AKAP7: variants seen among roughly 807,000 people sequenced by gnomAD.
AKAP7 encodes the protein A-kinase anchoring protein 7, also known as A kinase (PRKA) anchor protein 7.
A neutral mutation model predicts 39.5 loss-of-function variants in AKAP7; 39 were observed. That is an observed-to-expected ratio of 0.99 (90% CI 0.76 to 1.29). The LOEUF (loss-of-function observed/expected upper bound fraction) is 1.29. AKAP7 is among the 50% of genes most tolerant of loss of function. The pLI is 0.00. For synonymous variants in AKAP7, 140 were observed against 139.1 expected (o/e 1.01, Z -0.05); for missense variants, 414 against 407.7 (o/e 1.02, Z -0.13).
chr6:131,220,306 C>T (rs917633418), intron 7 of AKAP7, among the ~76,000 whole-genome samples: 2 of 152,176 alleles, frequency 1.3e-5, no homozygotes, highest in African/African-American at 4.8e-5. Context: ...AAGGTTCATA[C>T]ATAAATGCAT....
chr6:131,178,006 T>G (rs1281390175), intron 5 of AKAP7, among the ~76,000 whole-genome samples: 2 of 152,356 alleles, frequency 1.3e-5, no homozygotes, highest in African/African-American at 4.8e-5. Context: ...CCCTGTTATA[T>G]CCTCACGCAA....
chr6:131,221,600 G>A (rs1809701621), intron 7 of AKAP7, among the ~76,000 whole-genome samples: 1 of 152,212 alleles, frequency 6.6e-6, no homozygotes, highest in East Asian at 1.9e-4. Flanking sequence ...CAGTTTCAAA[G>A]AACAGGCCGA....
At chr6:131,193,602 A>G (rs1032566702) in intron 5 of AKAP7, among the ~76,000 whole-genome samples, 3 of 151,864 alleles carry the variant, frequency 2.0e-5, no homozygotes, top group South Asian at 2.1e-4. Context: ...CCTCCCCTCT[A>G]TTTTTTGGAG....
chr6:131,185,237 G>A (rs1190262922), intron 5 of AKAP7: 2 of 469,714 alleles, frequency 4.3e-6, no homozygotes, highest in African/African-American at 4.0e-5. Flanking sequence ...CACAGGGGTG[G>A]GCTCACCGCT....
intron 7 of AKAP7, among the ~76,000 whole-genome samples, chr6:131,250,912 T>G (rs1812395821): frequency 6.6e-6 from 1 of 152,128 alleles, no homozygotes; most frequent in South Asian, 2.1e-4. Flanking sequence ...AGAGTCAGAG[T>G]TTAGTTTTGA....
chr6:131,149,123 C>T (rs955135489), intron 2 of AKAP7, among the ~76,000 whole-genome samples: 1 of 152,118 alleles, frequency 6.6e-6, no homozygotes, highest in Non-Finnish European at 1.5e-5. Flanking sequence ...GCCTTCAGTG[C>T]GAATGTGGTA....
At chr6:131,174,917 C>T (rs932664517) in intron 5 of AKAP7, among the ~76,000 whole-genome samples, 5 of 100,102 alleles carry the variant, frequency 5.0e-5, no homozygotes, top group African/African-American at 1.0e-4. Context: ...CAGAACCCTG[C>T]GTAGTCAGAA....
At chr6:131,269,583 C>T (rs1390921422) in intron 7 of AKAP7, among the ~76,000 whole-genome samples, 1 of 152,124 alleles carries the variant, frequency 6.6e-6, no homozygotes, top group Non-Finnish European at 1.5e-5. Flanking sequence ...AAGGCAAAAC[C>T]AGTCAGCAAA....
rs557564501 is a variant in AKAP7, at chr6:131,222,419, C to G, written c.850+2611C>G. 9.8e-4 allele frequency among the ~76,000 whole-genome samples: 149 copies of G among 151,908 alleles called. 2 individuals are homozygous for G. Among genetic ancestry groups the G allele is most frequent in the African/African-American group, 3.4e-3 (142 of 41,442 alleles). ...GCGGGCGCCTGTAGTCCCAGCTACT[C>G]GGGAGGCTGAGGCAGGAGAATGGTG... On this transcript the variant is annotated intron_variant, in intron 7 of 7. Coordinates refer to ENST00000431975, the MANE Select transcript of AKAP7 (RefSeq NM_016377.4).
intron 5 of AKAP7, among the ~76,000 whole-genome samples, chr6:131,192,365 T>C (rs1806498453): frequency 6.6e-6 from 1 of 152,234 alleles, no homozygotes; most frequent in Non-Finnish European, 1.5e-5. Flanking sequence ...CATTGTATGC[T>C]CTTGGCACCT....
At chr6:131,132,259 G>A (rs932686298), upstream of AKAP7, among the ~76,000 whole-genome samples, 35 of 151,226 alleles carry the variant, frequency 2.3e-4, no homozygotes, top group Non-Finnish European at 4.1e-4. Flanking sequence ...CTTGCAGTGA[G>A]CCGAGATTGC....
chr6:131,219,942 C>A, intron 7 of AKAP7, 134 bp downstream of exon 7: 1 of 607,420 alleles, frequency 1.6e-6, no homozygotes, highest in Non-Finnish European at 2.5e-6. Context: ...TATGTTTTGA[C>A]AATGATACAT....
intron 7 of AKAP7, among the ~76,000 whole-genome samples, chr6:131,235,879 A>G (rs1249310445): frequency 1.3e-5 from 2 of 152,170 alleles, no homozygotes; most frequent in African/African-American, 4.8e-5. Context: ...CACTGATGGT[A>G]GTTTCTTTTG....
At chr6:131,141,437 C>T (rs1801013834) in intron 1 of AKAP7, among the ~76,000 whole-genome samples, 1 of 152,210 alleles carries the variant, frequency 6.6e-6, no homozygotes, top group African/African-American at 2.4e-5. Context: ...GCCTGCAGAA[C>T]TCTGGGCCAA....
chr6:131,169,777 G>C (rs1276824855), intron 5 of AKAP7, among the ~76,000 whole-genome samples: 2 of 152,092 alleles, frequency 1.3e-5, no homozygotes, highest in African/African-American at 4.8e-5. Flanking sequence ...AATAGGTTGG[G>C]TATTAGCCTA....
At chr6:131,141,236 G>A (rs903135786) in intron 1 of AKAP7, among the ~76,000 whole-genome samples, 1 of 152,108 alleles carries the variant, frequency 6.6e-6, no homozygotes, top group Non-Finnish European at 1.5e-5. Context: ...CTCATGAATG[G>A]CTTGGTGCCC....
At position 131,135,680 on chromosome 6, in the gene AKAP7, C is replaced by T. The variant is rs1192006425; in HGVS notation, c.-84C>T. On this transcript the variant is annotated 5_prime_UTR_variant, in exon 1 of 8. Coordinates refer to ENST00000431975, the MANE Select transcript of AKAP7 (RefSeq NM_016377.4). ...CCCCGAGCCCCGCCCTGGCCTCCGC[C>T]TCGGCCTCGCCTCCAGCCCCGGGAC... 9.0e-7 allele frequency: 1 copy of T among 1,107,204 alleles called. No individual in the cohort carries two copies. The highest frequency in any genetic ancestry group is 5.0e-5 in the East Asian group (1 of 19,810). The allele number at this position is 1,107,204 out of a possible 1,614,324, so 68.6% of individuals were successfully genotyped here.
chr6:131,239,965 TGGA>T (rs756764924), intron 7 of AKAP7, among the ~76,000 whole-genome samples: 1 of 152,212 alleles, frequency 6.6e-6, no homozygotes, highest in Non-Finnish European at 1.5e-5. Flanking sequence ...TGCGTTCCTT[TGGA>T]GGAGGAGAGG....
chr6:131,179,621 A>G (rs1322512057), intron 5 of AKAP7, among the ~76,000 whole-genome samples: 1 of 152,086 alleles, frequency 6.6e-6, no homozygotes, highest in Non-Finnish European at 1.5e-5. Context: ...TAATCCCAGC[A>G]CTCTGGGGGC....
Sources: gnomAD v4.1 joint callset for allele counts (sites outside exome capture counted in the v4.1 genomes callset) on GRCh38, gnomAD v4.1.1 for gene constraint, MANE v1.5 for transcripts, NCBI Gene and HGNC (gene_info 2026-07-23, HGNC 2026-07-21) for gene names.